The following ADAM11 variants were observed in gnomAD, a reference collection of about 807,000 sequenced individuals.
The protein encoded by ADAM11 is ADAM metallopeptidase domain 11, also known as disintegrin and metalloproteinase domain-containing protein 11.
ADAM11 carries 49 observed loss-of-function variants against 119.1 expected under a neutral mutation model. The observed-to-expected ratio is 0.41, with a 90% CI of 0.33 to 0.52. The LOEUF (loss-of-function observed/expected upper bound fraction) is 0.52. ADAM11 is among the 20% of genes least tolerant of loss of function. The probability of loss-of-function intolerance (pLI) is 0.20; values close to 1 mark genes in which losing one functional copy is unlikely to be tolerated. For synonymous variants in ADAM11, 364 were observed against 408.0 expected (o/e 0.89, Z 1.30); for missense variants, 777 against 1,047.5 (o/e 0.74, Z 3.56).
rs2049654489 is a variant in ADAM11, at chr17:44,779,158, C to T, written c.2277-64C>T. 8 of 1,562,312 alleles carry T rather than the reference C, an allele frequency of 5.1e-6. No individual in the cohort carries two copies. In the East Asian group the frequency reaches 2.0e-4, roughly 39 times the overall value. On this transcript the variant is annotated intron_variant, in intron 25 of 26. Coordinates refer to ENST00000200557, the MANE Select transcript of ADAM11 (RefSeq NM_002390.6). Reference sequence around the variant, plus strand: ...TCGCATGGCAGCCAAAGGCCCCTCCCTGAGAGAAGCAAAAGGTCAGATGTC... The same window carrying T: ...TCGCATGGCAGCCAAAGGCCCCTCCTTGAGAGAAGCAAAAGGTCAGATGTC...
chr17:44,778,121 C>T (rs1425455711), intron 24 of ADAM11, 31 bp from the exon 25 acceptor site: 1 of 1,612,134 alleles, frequency 6.2e-7, no homozygotes, highest in African/African-American at 1.3e-5. Flanking sequence ...TATGCCTGTC[C>T]TTGCCAGCTA....
In ADAM11 at chr17:44,775,312, G is replaced by T; in HGVS notation, c.1320+1G>T. On this transcript the variant is annotated splice_donor_variant, in intron 15 of 26. Coordinates refer to ENST00000200557, the MANE Select transcript of ADAM11 (RefSeq NM_002390.6). LOFTEE classifies it high-confidence loss of function. The surrounding 1 kb of genome is among the most constrained non-coding windows in gnomAD (Gnocchi z 7.5). The stretch of plus-strand genomic sequence containing the variant: ...CTGCCTCTTCAACAAGCCCCTCAAG[G>T]TACCAGCCCCGCGGCGGGGAGCATG... 1 of 1,613,782 alleles carries T rather than the reference G, an allele frequency of 6.2e-7. No homozygotes were observed. The highest frequency in any genetic ancestry group is 8.5e-7 in the Non-Finnish European group (1 of 1,179,986).
intron 2 of ADAM11, among the ~76,000 whole-genome samples, chr17:44,762,115 C>T (rs1397024189): frequency 1.3e-5 from 2 of 152,208 alleles, no homozygotes; most frequent in Non-Finnish European, 2.9e-5. Flanking sequence ...TGAGCCACTG[C>T]GCCTGGCAGC....
chr17:44,769,800 T>G lies in ADAM11; in HGVS notation c.314+6T>G. ...CTGGACCTGGAGCTGAACCAGTGAG[T>G]GTGGCCTTGAGCCCAAGAGGAAGGG... On this transcript the variant is annotated splice_donor_region_variant and intron_variant, in intron 3 of 26. Coordinates refer to ENST00000200557, the MANE Select transcript of ADAM11 (RefSeq NM_002390.6). The G allele has an allele frequency of 6.2e-7, 1 of 1,613,786 alleles. No individual in the cohort carries two copies. The highest frequency in any genetic ancestry group is 8.5e-7 in the Non-Finnish European group (1 of 1,179,792).
chr17:44,764,944 T>A (rs750991057), intron 2 of ADAM11, among the ~76,000 whole-genome samples: 89 of 151,704 alleles, frequency 5.9e-4, no homozygotes, highest in Non-Finnish European at 1.1e-3. Flanking sequence ...CGGGGTGGGG[T>A]CCAGGGGAGA....
Position 44,775,565 on chromosome 17 carries a change from C to G in ADAM11, c.1393-19C>G. 1.3e-6 allele frequency: 2 copies of G among 1,561,810 alleles called. No homozygotes were observed. Among genetic ancestry groups the G allele is most frequent in the Non-Finnish European group, 1.7e-6 (2 of 1,155,894 alleles). Reference sequence around the variant, plus strand: ...ATTAGGGCTCGCCCGCCTCCTTCCCCTCCTCCCGCGTCCCTCAGGAGTGCA... The same window carrying G: ...ATTAGGGCTCGCCCGCCTCCTTCCCGTCCTCCCGCGTCCCTCAGGAGTGCA... On this transcript the variant is annotated intron_variant, in intron 16 of 26. Coordinates refer to ENST00000200557, the MANE Select transcript of ADAM11 (RefSeq NM_002390.6). This position sits in a 1 kb window ranked among gnomAD's most constrained non-coding sequence, Gnocchi z 7.5.
At position 44,779,814 on chromosome 17, in the gene ADAM11, GC is replaced by G. The variant is rs1392242408; in HGVS notation, c.*65del. On this transcript the variant is annotated 3_prime_UTR_variant, in exon 27 of 27. Coordinates refer to ENST00000200557, the MANE Select transcript of ADAM11 (RefSeq NM_002390.6). Reference sequence around the variant, plus strand: ...CGTCTCGGCCCTGAACCACGAGGCTGCCCCCATCCAGCCACGGAGGGAGGCA... The same window carrying G: ...CGTCTCGGCCCTGAACCACGAGGCTGCCCCATCCAGCCACGGAGGGAGGCA... 6.3e-7 allele frequency: 1 copy of G among 1,599,348 alleles called. No individual in the cohort carries two copies.
At chr17:44,769,257 G>A (rs1028426191) in intron 2 of ADAM11, among the ~76,000 whole-genome samples, 16 of 152,148 alleles carry the variant, frequency 1.1e-4, no homozygotes, top group Non-Finnish European at 2.9e-5. Flanking sequence ...TGGAGGCTGG[G>A]GCCGGGGTAG....
chr17:44,778,172 A>G lies in ADAM11; in HGVS notation c.2206A>G (p.Ile736Val). ...RYKGPSGTNIIIGSIAGAVLV... is the reference protein window; with the variant it reads ...RYKGPSGTNIVIGSIAGAVLV... ...CCCAGGTCCCAGCGGCACCAACATC[A>G]TCATTGGCTCCATTGCTGGGGCTGT... Residue 736 changes from isoleucine (I) to valine (V), a missense_variant, in exon 25 of 27, where the codon ATC (isoleucine) becomes GTC (valine). This residue lies in a region of ADAM11 where 348 missense variants were observed against 486.7 expected (regional missense o/e 0.72). Coordinates refer to ENST00000200557, the MANE Select transcript of ADAM11 (RefSeq NM_002390.6). 3 of 1,613,796 alleles carry G rather than the reference A, an allele frequency of 1.9e-6. No homozygotes were observed. The highest frequency in any genetic ancestry group is 2.5e-6 in the Non-Finnish European group (3 of 1,179,834).
At chr17:44,762,069 C>A (rs908269454) in intron 2 of ADAM11, among the ~76,000 whole-genome samples, 1 of 152,120 alleles carries the variant, frequency 6.6e-6, no homozygotes, top group African/African-American at 2.4e-5. Flanking sequence ...GGTGATCTGC[C>A]CACCTCGGCC....
rs2049661763 is a variant in ADAM11, at chr17:44,779,478, CGGCCAGGCCCTCCCCTGCCACCA to C, written c.2294+242_2295-236del. On this transcript the variant is annotated intron_variant, in intron 26 of 26. Coordinates refer to ENST00000200557, the MANE Select transcript of ADAM11 (RefSeq NM_002390.6). The stretch of plus-strand genomic sequence containing the variant: ...CACGTCCTTCTCGACTGCCCTGCTG[CGGCCAGGCCCTCCCCTGCCACCA>C]GGTGGAACTGGAGCTGCGCCCCTGG... 3.0e-6 allele frequency: 3 copies of C among 985,292 alleles called. No homozygotes were observed. The African/African-American group carries it at 5.2e-5, about 17-fold the overall frequency. 61.0% of individuals were successfully genotyped at this position (985,292 alleles called of 1,614,324 possible).
intron 2 of ADAM11, among the ~76,000 whole-genome samples, chr17:44,762,076 G>A (rs982149456): frequency 2.6e-5 from 4 of 152,032 alleles, no homozygotes; most frequent in Non-Finnish European, 4.4e-5. Context: ...TGCCCACCTC[G>A]GCCTCCCAAA....
At chr17:44,771,297 CAAAA>C (rs5820551) in intron 4 of ADAM11, among the ~76,000 whole-genome samples, 8 of 120,440 alleles carry the variant, frequency 6.6e-5, no homozygotes, top group African/African-American at 1.6e-4. Flanking sequence ...GACCCTGTCT[CAAAA>C]AAAAAAAAAA....
At chr17:44,763,157 A>G (rs939271739) in intron 2 of ADAM11, among the ~76,000 whole-genome samples, 26 of 152,288 alleles carry the variant, frequency 1.7e-4, no homozygotes, top group Admixed American at 7.2e-4. Flanking sequence ...CAACAACAAC[A>G]AAAGAACAAG....
chr17:44,765,057 T>C (rs2049430627), intron 2 of ADAM11, among the ~76,000 whole-genome samples: 1 of 152,134 alleles, frequency 6.6e-6, no homozygotes, highest in Non-Finnish European at 1.5e-5. Context: ...CCAGAGGGAC[T>C]GATGACCCTG....
intron 3 of ADAM11, 86 bp downstream of exon 3, chr17:44,769,880 T>C (rs1476009400): frequency 6.2e-7 from 1 of 1,602,914 alleles, no homozygotes; most frequent in Non-Finnish European, 8.5e-7. Context: ...GGTCTGGGGG[T>C]TGGGCCTGGG....
Position 44,766,561 on chromosome 17 carries a change from C to T in ADAM11, c.238-3157C>T, listed in dbSNP as rs188619575. ...TGCCAGGCAGTCACAGCTGCTGTGGCGACACGAACTCCAGCCCCAGGGTGA... is the reference window on the plus strand; with the variant it reads ...TGCCAGGCAGTCACAGCTGCTGTGGTGACACGAACTCCAGCCCCAGGGTGA... On this transcript the variant is annotated intron_variant, in intron 2 of 26. Coordinates refer to ENST00000200557, the MANE Select transcript of ADAM11 (RefSeq NM_002390.6). 1.5e-3 allele frequency among the ~76,000 whole-genome samples: 228 copies of T among 152,248 alleles called. 2 individuals carry two copies. Among genetic ancestry groups the T allele is most frequent in the East Asian group, 5.2e-3 (27 of 5,182 alleles).
rs1322822163 is a variant in ADAM11, at chr17:44,765,103, C to A, written c.238-4615C>A. On this transcript the variant is annotated intron_variant, in intron 2 of 26. Transcript: ENST00000200557. ...TGGCTCTGTTCTCAAAAATGTAGGT[C>A]AAATCCCATCATTGGAAATTTGTCT... Among the ~76,000 whole-genome samples the A allele has an allele frequency of 2.0e-5, 3 of 151,918 alleles. No individual in the cohort carries two copies. In the East Asian group the frequency reaches 5.8e-4, roughly 29 times the overall value.
chr17:44,778,996 A>G (rs976400860), intron 25 of ADAM11, among the ~76,000 whole-genome samples: 1 of 152,128 alleles, frequency 6.6e-6, no homozygotes, highest in Non-Finnish European at 1.5e-5. Flanking sequence ...CCATGGCCCA[A>G]GGTCACATGA....
Sources: allele counts gnomAD v4.1 joint callset (sites outside exome capture counted in the v4.1 genomes callset), GRCh38; gene constraint gnomAD v4.1.1; regional missense constraint gnomAD v4.1.1; non-coding constraint Gnocchi (gnomAD v3.1); transcripts MANE v1.5; gene names NCBI Gene and HGNC (gene_info 2026-07-23, HGNC 2026-07-21).